Variants in METTL15 observed in about 807,000 individuals in gnomAD.
METTL15 encodes methyltransferase 15, mitochondrial 12S rRNA N4-cytidine.
In METTL15, 34 loss-of-function variants were observed where a neutral mutation model predicts 38.3. The ratio of observed to expected loss-of-function variants is 0.89; its 90% CI spans 0.68 to 1.18. METTL15 has a LOEUF of 1.18. METTL15 is among the 50% of genes most tolerant of loss of function. The pLI is 0.00. For missense variants in METTL15, 438 were observed against 498.4 expected (o/e 0.88, Z 1.15); for synonymous variants, 162 against 170.9 (o/e 0.95, Z 0.41).
At chr11:28,293,598 C>T (rs867676127) in intron 5 of METTL15, among the ~76,000 whole-genome samples, 1,641 of 152,084 alleles carry the variant, frequency 0.011, 10 homozygotes, top group Middle Eastern at 0.037. Flanking sequence ...TGAAGAAAGT[C>T]ATTGGTAGCT....
intron 6 of METTL15, among the ~76,000 whole-genome samples, chr11:28,446,106 T>C (rs1851072979): frequency 6.6e-6 from 1 of 152,126 alleles, no homozygotes; most frequent in Non-Finnish European, 1.5e-5. Context: ...GCAGGATATG[T>C]GGAGCATCTG....
chr11:28,418,434 T>C (rs751325194), intron 5 of METTL15, among the ~76,000 whole-genome samples: 5 of 152,150 alleles, frequency 3.3e-5, no homozygotes, highest in African/African-American at 4.8e-5. Context: ...AGTGGGTCTA[T>C]TTTGAAGATG....
rs570815175 is a variant in METTL15, at chr11:28,511,643, C to T, written c.*425-14835C>T. ...AGTGTTACAGCTCTTAAGGCAGCGC[C>T]TCTGGAGTTGTTCGTTCCTCCTGGT... On this transcript the variant is annotated intron_variant and NMD_transcript_variant, in intron 6 of 7. Transcript: ENST00000532947. Among the ~76,000 whole-genome samples, 13 of 152,160 alleles carry T rather than the reference C, an allele frequency of 8.5e-5. No homozygotes were observed. The South Asian group carries it at 2.5e-3, about 29-fold the overall frequency.
intron 6 of METTL15, among the ~76,000 whole-genome samples, chr11:28,447,668 T>C (rs932769068): frequency 3.9e-5 from 6 of 152,312 alleles, no homozygotes; most frequent in Non-Finnish European, 5.9e-5. Flanking sequence ...AAACTTACCA[T>C]GAATAATTTT....
chr11:28,336,801 GTA>G (rs1441079631), downstream of METTL15, among the ~76,000 whole-genome samples: 1 of 152,074 alleles, frequency 6.6e-6, no homozygotes, highest in African/African-American at 2.4e-5. Context: ...TCTTTTTTAT[GTA>G]TTTACTATGT....
chr11:28,196,670 A>G (rs1404928576), intron 3 of METTL15, among the ~76,000 whole-genome samples: 1 of 151,942 alleles, frequency 6.6e-6, no homozygotes, highest in African/African-American at 2.4e-5. Context: ...CTCTTAAGAA[A>G]GACTTTTTTT....
intron 4 of METTL15, among the ~76,000 whole-genome samples, chr11:28,262,492 A>G (rs1855248633): frequency 6.6e-6 from 1 of 151,898 alleles, no homozygotes; most frequent in South Asian, 2.1e-4. Context: ...CATTCGCTTC[A>G]CTGTGAAGTA....
chr11:28,445,509 C>T (rs936885117), intron 6 of METTL15, among the ~76,000 whole-genome samples: 1 of 152,122 alleles, frequency 6.6e-6, no homozygotes, highest in African/African-American at 2.4e-5. Context: ...ATAATGCCTT[C>T]TATACCATTT....
intron 6 of METTL15, among the ~76,000 whole-genome samples, chr11:28,483,975 T>C (rs1851417756): frequency 6.6e-6 from 1 of 152,136 alleles, no homozygotes; most frequent in Non-Finnish European, 1.5e-5. Context: ...GAGAGTGAGA[T>C]GGTAGGACTG....
intron 6 of METTL15, among the ~76,000 whole-genome samples, chr11:28,319,872 C>A (rs891517196): frequency 6.6e-6 from 1 of 152,142 alleles, no homozygotes; most frequent in Non-Finnish European, 1.5e-5. Flanking sequence ...CCCAGACTTA[C>A]TTGACAACAG....
chr11:28,144,812 T>G (rs1272672584), intron 3 of METTL15: 1 of 153,258 alleles, frequency 6.5e-6, no homozygotes, highest in African/African-American at 2.4e-5. Context: ...ATTGACACAC[T>G]TTATTCAGAT....
chr11:28,456,409 GC>G (rs919815593), intron 6 of METTL15, among the ~76,000 whole-genome samples: 1 of 151,846 alleles, frequency 6.6e-6, no homozygotes. Context: ...TTGTATCATA[GC>G]CCCCAGGGTT....
chr11:28,209,944 A>G (rs1246563724), intron 3 of METTL15, among the ~76,000 whole-genome samples: 1 of 152,020 alleles, frequency 6.6e-6, no homozygotes, highest in Non-Finnish European at 1.5e-5. Flanking sequence ...TATTAGAGTA[A>G]TTGTTTTATT....
intron 6 of METTL15, among the ~76,000 whole-genome samples, chr11:28,431,789 T>TAA (rs1564929855): frequency 1.3e-3 from 13 of 9,958 alleles, no homozygotes; most frequent in East Asian, 5.4e-3. Context: ...AAAAATAAAT[T>TAA]TAAAAAAAAA....
chr11:28,531,860 A>C (rs1851844888), downstream of METTL15, among the ~76,000 whole-genome samples: 1 of 152,000 alleles, frequency 6.6e-6, no homozygotes, highest in Non-Finnish European at 1.5e-5. Flanking sequence ...TTAACCCCCC[A>C]AAACCAATTT....
At chr11:28,238,822 C>A (rs1310430184) in intron 4 of METTL15, among the ~76,000 whole-genome samples, 1 of 152,204 alleles carries the variant, frequency 6.6e-6, no homozygotes, top group Non-Finnish European at 1.5e-5. Context: ...ACCAAAACTC[C>A]TTTTGTCAAA....
At chr11:28,111,650 T>C (rs1485610722) in intron 2 of METTL15, among the ~76,000 whole-genome samples, 2 of 152,210 alleles carry the variant, frequency 1.3e-5, no homozygotes, top group Non-Finnish European at 2.9e-5. Context: ...ATTTTAGCTT[T>C]ACGGCTCTCT....
chr11:28,112,259 A>G (rs1246405754), intron 2 of METTL15, among the ~76,000 whole-genome samples: 1 of 152,144 alleles, frequency 6.6e-6, no homozygotes, highest in East Asian at 1.9e-4. Flanking sequence ...ATTGATAACA[A>G]TGCTAATTCT....
At chr11:28,194,192 C>CTTTCTTTTTCT (rs1554995677) in intron 3 of METTL15, among the ~76,000 whole-genome samples, 11 of 125,082 alleles carry the variant, frequency 8.8e-5, no homozygotes, top group Non-Finnish European at 1.3e-4. Context: ...CTCTCTCTCT[C>CTTTCTTTTTCT]CTCTCTCTCT....
Sources: gnomAD v4.1 joint callset for allele counts (sites outside exome capture counted in the v4.1 genomes callset) on GRCh38, gnomAD v4.1.1 for gene constraint, MANE v1.5 for transcripts, NCBI Gene and HGNC (gene_info 2026-07-23, HGNC 2026-07-21) for gene names.